PBLD: variants seen among roughly 807,000 people sequenced by gnomAD.
PBLD encodes the protein phenazine biosynthesis like protein domain containing.
In PBLD, 26 loss-of-function variants were observed where a neutral mutation model predicts 31.3. The observed-to-expected ratio is 0.83, with a 90% CI of 0.61 to 1.15. PBLD has a LOEUF of 1.15. PBLD is among the 50% of genes most tolerant of loss of function. The pLI is 0.00. For missense variants in PBLD, 307 were observed against 351.7 expected (o/e 0.87, Z 1.02); for synonymous variants, 114 against 129.0 (o/e 0.88, Z 0.79).
intron 2 of PBLD, among the ~76,000 whole-genome samples, chr10:68,302,834 C>T (rs2044522123): frequency 6.9e-6 from 1 of 145,350 alleles, no homozygotes; most frequent in South Asian, 2.2e-4. Flanking sequence ...AAGCAAGGTC[C>T]TGTCTCTGGA....
intron 2 of PBLD, among the ~76,000 whole-genome samples, chr10:68,302,672 G>C (rs1375938804): frequency 6.6e-6 from 1 of 151,968 alleles, no homozygotes; most frequent in Non-Finnish European, 1.5e-5. Flanking sequence ...GCAAGACCCT[G>C]TCTCTACAAA....
At chr10:68,297,924 T>C (rs2044451993) in intron 2 of PBLD, among the ~76,000 whole-genome samples, 1 of 147,232 alleles carries the variant, frequency 6.8e-6, no homozygotes, top group Non-Finnish European at 1.5e-5. Context: ...CTGGGTAACA[T>C]AGTAAGACTC....
At chr10:68,301,505 T>C (rs992108299) in intron 2 of PBLD, among the ~76,000 whole-genome samples, 1 of 152,174 alleles carries the variant, frequency 6.6e-6, no homozygotes, top group African/African-American at 2.4e-5. Context: ...TTAAGCCCCT[T>C]AGTGCAGAGT....
Position 68,288,632 on chromosome 10 carries a change from G to T in PBLD, c.542C>A (p.Thr181Lys). 1.9e-6 allele frequency: 3 copies of T among 1,614,074 alleles called. No homozygotes were observed. The highest frequency in any genetic ancestry group is 2.5e-6 in the Non-Finnish European group (3 of 1,180,016). The stretch of plus-strand genomic sequence containing the variant: ...GTTTTCAACTTGCAGCAGATTCTCC[G>T]TGTTCACTTTCAGGTTCTCCAGAAA... ...RSFLENLKVN[T>K]ENLLQVENTG... Residue 181 changes from threonine (T) to lysine (K), a missense_variant, in exon 8 of 10, where the codon ACG becomes AAG. Transcript: ENST00000358769.
chr10:68,288,399 G>C (rs919383104), intron 8 of PBLD, 84 bp downstream of exon 8: 126 of 1,455,882 alleles, frequency 8.7e-5, no homozygotes, highest in Non-Finnish European at 1.2e-4. Flanking sequence ...CCACCTGAAA[G>C]GTCACAGGAA....
At chr10:68,292,543 T>G (rs1055258472) in intron 4 of PBLD, among the ~76,000 whole-genome samples, 6 of 150,328 alleles carry the variant, frequency 4.0e-5, no homozygotes, top group African/African-American at 1.2e-4. Flanking sequence ...ATGGTCTCAC[T>G]GTGTTGCCCA....
chr10:68,295,144 C>G (rs533546078), intron 4 of PBLD, among the ~76,000 whole-genome samples: 1 of 152,246 alleles, frequency 6.6e-6, no homozygotes, highest in South Asian at 2.1e-4. Flanking sequence ...GCTGCAACTC[C>G]TTTTAAGGTG....
At chr10:68,306,613 A>G in intron 2 of PBLD, 148 bp downstream of exon 2, 1 of 606,212 alleles carries the variant, frequency 1.6e-6, no homozygotes, top group Non-Finnish European at 2.7e-6. Context: ...GTCAAAATCA[A>G]CTTGCATACA....
At chr10:68,286,808 G>A (rs1157848003) in intron 8 of PBLD, among the ~76,000 whole-genome samples, 7 of 152,110 alleles carry the variant, frequency 4.6e-5, no homozygotes, top group South Asian at 4.2e-4. Context: ...AATATTTTGC[G>A]AAGAAAAAGA....
At chr10:68,325,169 G>C (rs560849094) in intron 1 of PBLD, among the ~76,000 whole-genome samples, 1 of 152,056 alleles carries the variant, frequency 6.6e-6, no homozygotes, top group Non-Finnish European at 1.5e-5. Context: ...GCTTGAACCC[G>C]GGAGGCGGAA....
chr10:68,302,960 T>A (rs1235813453), intron 2 of PBLD, among the ~76,000 whole-genome samples: 2 of 152,098 alleles, frequency 1.3e-5, no homozygotes, highest in Admixed American at 1.3e-4. Context: ...TCATAATGTA[T>A]CTGTTTTACT....
At chr10:68,329,623 G>A (rs117962707) in intron 1 of PBLD, among the ~76,000 whole-genome samples, 4,452 of 151,944 alleles carry the variant, frequency 0.029, 98 homozygotes, top group Middle Eastern at 0.058. Flanking sequence ...TTTAAAAGGA[G>A]GGAGAGGGGT....
chr10:68,325,853 C>T (rs1399134257), intron 1 of PBLD, among the ~76,000 whole-genome samples: 3 of 152,198 alleles, frequency 2.0e-5, no homozygotes, highest in African/African-American at 4.8e-5. Flanking sequence ...AGAAAGCTTT[C>T]TCTGAAGCCC....
In PBLD at chr10:68,283,594, T is replaced by C. The variant is rs1484404833; in HGVS notation, c.*583A>G. The C allele has an allele frequency of 6.6e-6, 1 of 152,316 alleles. No homozygotes were observed. The highest frequency in any genetic ancestry group is 1.5e-5 in the Non-Finnish European group (1 of 68,124). The allele number at this position is 152,316 out of a possible 1,614,324, so 9.4% of individuals were successfully genotyped here. A position where few individuals can be genotyped will look rare whatever the true frequency, so the allele number is the denominator to read the frequency against. ...AGAAATGTATTCCTCCTTCTCTTGA[T>C]TGGTAGTCATAATCAAATGAAGTGA... On this transcript the variant is annotated 3_prime_UTR_variant, in exon 10 of 10. Coordinates refer to ENST00000358769, the MANE Select transcript of PBLD (RefSeq NM_022129.4).
intron 1 of PBLD, among the ~76,000 whole-genome samples, chr10:68,317,686 T>C (rs1425643328): frequency 6.6e-6 from 1 of 151,796 alleles, no homozygotes; most frequent in Non-Finnish European, 1.5e-5. Flanking sequence ...TAATCCCAGC[T>C]ACTCAAGAGG....
chr10:68,323,508 G>A (rs2044867150), intron 1 of PBLD, among the ~76,000 whole-genome samples: 1 of 152,150 alleles, frequency 6.6e-6, no homozygotes, highest in African/African-American at 2.4e-5. Flanking sequence ...GTTGCAGTGA[G>A]CTGAGCACAC....
At chr10:68,289,670 C>CACACACACACACAT (rs2044332702) in intron 6 of PBLD, among the ~76,000 whole-genome samples, 1 of 150,852 alleles carries the variant, frequency 6.6e-6, no homozygotes, top group African/African-American at 2.4e-5. Flanking sequence ...AGATCACACA[C>CACACACACACACAT]ACACACACAC....
At chr10:68,288,790 G>A (rs753640297) in intron 7 of PBLD, 129 bp from the exon 8 acceptor site, 67 of 1,270,252 alleles carry the variant, frequency 5.3e-5, no homozygotes, top group Non-Finnish European at 6.8e-5. Context: ...GAACAAGTGG[G>A]AATGTCTTCC....
chr10:68,313,452 AACTACTTTGTGTTT>A (rs2044697109), intron 1 of PBLD, among the ~76,000 whole-genome samples: 1 of 152,180 alleles, frequency 6.6e-6, no homozygotes, highest in Non-Finnish European at 1.5e-5. Context: ...TGTAGTGTTC[AACTACTTTGTGTTT>A]ACTTTTATGC....
Sources: allele counts gnomAD v4.1 joint callset (sites outside exome capture counted in the v4.1 genomes callset), GRCh38; gene constraint gnomAD v4.1.1; transcripts MANE v1.5; gene names NCBI Gene and HGNC (gene_info 2026-07-23, HGNC 2026-07-21).